NHSL2: variants seen among roughly 807,000 people sequenced by gnomAD.
NHSL2 encodes the protein NHS like 2, also known as NHS-like protein 2.
In NHSL2, 27 loss-of-function variants were observed where a neutral mutation model predicts 53.4. The observed-to-expected ratio is 0.51, with a 90% CI of 0.37 to 0.70. NHSL2 has a LOEUF of 0.70. Ranked by LOEUF, NHSL2 falls within the 30% of genes least tolerant of loss-of-function variation. The probability of loss-of-function intolerance (pLI) is 0.00; values close to 1 mark genes in which losing one functional copy is unlikely to be tolerated. For missense variants in NHSL2, 892 were observed against 980.1 expected (o/e 0.91, Z 1.20); for synonymous variants, 408 against 404.1 (o/e 1.01, Z -0.12).
At chrX:71,967,342 G>A (rs1383963477) in intron 1 of NHSL2, among the ~76,000 whole-genome samples, 1 of 110,697 alleles carries the variant, frequency 9.0e-6, no homozygotes, top group Non-Finnish European at 1.9e-5. Context: ...GGTTTAGTTC[G>A]CTTTTTCTTC....
intron 1 of NHSL2, among the ~76,000 whole-genome samples, chrX:71,947,557 A>T (rs2041798560): frequency 8.9e-6 from 1 of 112,275 alleles, no homozygotes; most frequent in Non-Finnish European, 1.9e-5. Context: ...GAAGTAAGTT[A>T]GGAGACTAGT....
chrX:72,086,231 C>T (rs1050518474), intron 1 of NHSL2, among the ~76,000 whole-genome samples: 1 of 112,219 alleles, frequency 8.9e-6, no homozygotes, highest in Non-Finnish European at 1.9e-5. Flanking sequence ...ACCACAGGAC[C>T]CTAATTAAAA....
Position 72,143,549 on chromosome X carries a change from A to C in NHSL2, c.3653A>C (p.Glu1218Ala). 8.6e-7 allele frequency: 1 copy of C among 1,160,664 alleles called. No individual in the cohort carries two copies. Among genetic ancestry groups the C allele is most frequent in the Admixed American group, 2.6e-5 (1 of 38,032 alleles). Residue 1218 changes from glutamate (E) to alanine (A), a missense_variant, in exon 8 of 8, where the codon GAA becomes GCA. Coordinates refer to ENST00000633930, the MANE Select transcript of NHSL2 (RefSeq NM_001013627.3). ...ATTGCACAATTTTCAAAAGACTATG[A>C]AACCACCGATAACCCCAGTACCTAA... ...RIIAQFSKDY[E>A]TTDNPST
intron 1 of NHSL2, among the ~76,000 whole-genome samples, chrX:72,102,113 G>A (rs999623829): frequency 4.4e-5 from 5 of 112,460 alleles, no homozygotes; most frequent in African/African-American, 1.3e-4. Context: ...TCTCTTGGAC[G>A]GATAAATGCA....
chrX:71,944,158 A>C (rs148741446), intron 1 of NHSL2, among the ~76,000 whole-genome samples: 179 of 111,698 alleles, frequency 1.6e-3, no homozygotes, highest in African/African-American at 5.6e-3. Context: ...TGCCCACCTC[A>C]CTCTGCTTCT....
chrX:71,994,794 G>C (rs1160567740), intron 1 of NHSL2, among the ~76,000 whole-genome samples: 1 of 111,645 alleles, frequency 9.0e-6, no homozygotes, highest in Non-Finnish European at 1.9e-5. Flanking sequence ...GGCGAGACTG[G>C]TGATGGGGGG....
At chrX:72,089,514 G>A (rs765415351) in intron 1 of NHSL2, among the ~76,000 whole-genome samples, 6 of 111,305 alleles carry the variant, frequency 5.4e-5, no homozygotes, top group Non-Finnish European at 9.4e-5. Flanking sequence ...GTGGAGTGGG[G>A]AGGAAGCAGT....
At chrX:72,047,535 G>A (rs752088035) in intron 1 of NHSL2, among the ~76,000 whole-genome samples, 3 of 112,002 alleles carry the variant, frequency 2.7e-5, no homozygotes, top group Non-Finnish European at 5.6e-5. Context: ...TCTTTCTCTT[G>A]CTCCCCCAAA....
At chrX:72,093,721 G>GCTTGCTTGCTTTCTTT (rs1216358306) in intron 1 of NHSL2, among the ~76,000 whole-genome samples, 129 of 95,330 alleles carry the variant, frequency 1.4e-3, no homozygotes, top group Non-Finnish European at 1.9e-3. Context: ...TAGCTTGCTT[G>GCTTGCTTGCTTTCTTT]CTTTCTTTCT....
intron 1 of NHSL2, among the ~76,000 whole-genome samples, chrX:71,982,093 T>C (rs772971863): frequency 8.9e-6 from 1 of 112,540 alleles, no homozygotes; most frequent in South Asian, 3.7e-4. Context: ...TGTCCTTCAA[T>C]GTGTGAGTGG....
intron 1 of NHSL2, among the ~76,000 whole-genome samples, chrX:71,961,719 G>A (rs889299341): frequency 4.5e-5 from 5 of 111,492 alleles, no homozygotes; most frequent in Non-Finnish European, 9.4e-5. Context: ...AGGCTGGAGT[G>A]CGGTGCCACG....
chrX:71,984,221 A>G (rs2041993057), intron 1 of NHSL2, among the ~76,000 whole-genome samples: 1 of 111,479 alleles, frequency 9.0e-6, no homozygotes, highest in Admixed American at 9.6e-5. Context: ...AAGCATTGGT[A>G]TGTCATGGGC....
At chrX:71,978,445 A>G (rs1267972448) in intron 1 of NHSL2, among the ~76,000 whole-genome samples, 2 of 112,303 alleles carry the variant, frequency 1.8e-5, no homozygotes, top group Admixed American at 9.4e-5. Flanking sequence ...GTAATCCTCC[A>G]TAGACTGTCA....
intron 1 of NHSL2, among the ~76,000 whole-genome samples, chrX:72,091,297 C>A (rs1465435776): frequency 4.5e-5 from 5 of 111,247 alleles, no homozygotes; most frequent in Non-Finnish European, 7.6e-5. Context: ...ACTAAAAATA[C>A]AAAAAAATTA....
intron 1 of NHSL2, among the ~76,000 whole-genome samples, chrX:71,921,759 C>T (rs1027575899): frequency 7.2e-5 from 8 of 111,552 alleles, no homozygotes; most frequent in Non-Finnish European, 1.1e-4. Context: ...AACTTCCAGT[C>T]GTAATATTTA....
intron 1 of NHSL2, among the ~76,000 whole-genome samples, chrX:71,945,819 T>G (rs1474305702): frequency 8.9e-6 from 1 of 111,837 alleles, no homozygotes; most frequent in Non-Finnish European, 1.9e-5. Flanking sequence ...GCGCTTACTG[T>G]GTGCTGTGTG....
At chrX:72,105,232 T>G (rs751839236) in intron 1 of NHSL2, among the ~76,000 whole-genome samples, 1 of 107,808 alleles carries the variant, frequency 9.3e-6, no homozygotes, top group East Asian at 3.1e-4. Flanking sequence ...CCGTGAGCCA[T>G]GGACCAACAC....
intron 1 of NHSL2, among the ~76,000 whole-genome samples, chrX:72,013,683 G>A (rs1162136470): frequency 4.5e-5 from 5 of 110,403 alleles, no homozygotes; most frequent in African/African-American, 6.6e-5. Flanking sequence ...TTAGGTATAA[G>A]TCTAATATTG....
intron 1 of NHSL2, among the ~76,000 whole-genome samples, chrX:72,080,953 G>A: frequency 9.0e-6 from 1 of 111,665 alleles, no homozygotes; most frequent in Non-Finnish European, 1.9e-5. Context: ...CTGTGAAGAA[G>A]ACTAGCCACG....
Sources: allele counts gnomAD v4.1 joint callset (sites outside exome capture counted in the v4.1 genomes callset), GRCh38; gene constraint gnomAD v4.1.1; transcripts MANE v1.5; gene names NCBI Gene and HGNC (gene_info 2026-07-23, HGNC 2026-07-21).